The following ATP11C variants were observed in gnomAD, a reference collection of about 807,000 sequenced individuals.
ATP11C encodes the protein ATPase phospholipid transporting 11C (ATP11C blood group), also known as phospholipid-transporting ATPase IG.
A neutral mutation model predicts 97.4 loss-of-function variants in ATP11C; 36 were observed. The observed-to-expected ratio is 0.37, with a 90% CI of 0.28 to 0.49. The LOEUF is 0.49. Ranked by LOEUF, ATP11C falls within the 20% of genes least tolerant of loss-of-function variation. The pLI is 0.98. For synonymous variants in ATP11C, 275 were observed against 290.9 expected (o/e 0.95, Z 0.56); for missense variants, 730 against 824.6 (o/e 0.89, Z 1.40).
Position 139,852,452 on chromosome X carries a change from CGGGGGGGGGGGGGGGGGGGG to C in ATP11C, c.28-25649_28-25630del, listed in dbSNP as rs372368937. ...GGAATAACCCAAGCTCTCAGCAATGCGGGGGGGGGGGGGGGGGGGGGGGGGGGGGAACTGGCCAGCGACCT... is the reference window on the plus strand; with the variant it reads ...GGAATAACCCAAGCTCTCAGCAATGCGGGGGGGGGAACTGGCCAGCGACCT... On this transcript the variant is annotated intron_variant, in intron 1 of 29. Coordinates refer to ENST00000682941, the MANE Select transcript of ATP11C (RefSeq NM_001353812.2). Among the ~76,000 whole-genome samples, 62 of 12,256 alleles carry C rather than the reference CGGGGGGGGGGGGGGGGGGGG, an allele frequency of 5.1e-3. 9 individuals carry two copies. Among genetic ancestry groups the C allele is most frequent in the Non-Finnish European group, 0.011 (44 of 3,865 alleles). 10.6% of individuals were successfully genotyped at this position (12,256 alleles called of 115,157 possible).
chrX:139,860,813 G>A (rs935444942), intron 1 of ATP11C, among the ~76,000 whole-genome samples: 5 of 111,899 alleles, frequency 4.5e-5, no homozygotes, highest in South Asian at 7.5e-4. Flanking sequence ...GCGAGACTCC[G>A]TCTCAGAAAA....
intron 2 of ATP11C, among the ~76,000 whole-genome samples, chrX:139,825,408 T>C (rs2083507995): frequency 8.9e-6 from 1 of 111,813 alleles, no homozygotes; most frequent in African/African-American, 3.3e-5. Flanking sequence ...GACCATTTAA[T>C]TGGATACCAC....
Position 139,750,068 on chromosome X carries a change from G to A in ATP11C, c.2785C>T (p.His929Tyr). The A allele has an allele frequency of 3.3e-6, 4 of 1,203,936 alleles. No homozygotes were observed. The South Asian group carries it at 7.1e-5, about 21-fold the overall frequency. Residue 929 changes from histidine (H) to tyrosine (Y), a missense_variant, in exon 24 of 30, where the codon CAC (histidine) becomes TAC (tyrosine). His to Tyr is a moderately conservative substitution (Grantham distance 83). Coordinates refer to ENST00000682941, the MANE Select transcript of ATP11C (RefSeq NM_001353812.2). ...PILAYSLLEQ[H>Y]INIDTLTSDP... The stretch of plus-strand genomic sequence containing the variant: ...GAGGTCAGAGTGTCAATGTTGATGT[G>A]CTGTTCCAGTAGACTATAGGCCAGG...
intron 1 of ATP11C, among the ~76,000 whole-genome samples, chrX:139,894,488 T>A (rs2084776631): frequency 9.0e-6 from 1 of 111,330 alleles, no homozygotes; most frequent in South Asian, 3.8e-4. Context: ...GAGGAAGAGT[T>A]TGGGGGAAGG....
At chrX:139,853,353 AAAGACAGAGAGGGG>A (rs1305560203) in intron 1 of ATP11C, among the ~76,000 whole-genome samples, 3 of 107,939 alleles carry the variant, frequency 2.8e-5, no homozygotes, top group African/African-American at 1.0e-4. Context: ...GAGAGAGGGG[AAAGACAGAGAGGGG>A]AAGAAAGAGA....
At chrX:139,801,715 G>A (rs1380369504) in intron 7 of ATP11C, among the ~76,000 whole-genome samples, 1 of 111,525 alleles carries the variant, frequency 9.0e-6, no homozygotes, top group Admixed American at 9.5e-5. Context: ...ACCTACTCCA[G>A]AGAGCCTAAG....
At chrX:139,732,457 G>C in intron 28 of ATP11C, 2 of 370,082 alleles carry the variant, frequency 5.4e-6, no homozygotes, top group Non-Finnish European at 1.1e-5. Context: ...AAGAGAAACT[G>C]TGATTGCTGG....
chrX:139,787,033 A>T (rs1178492039), intron 15 of ATP11C, 140 bp downstream of exon 15: 7 of 878,776 alleles, frequency 8.0e-6, no homozygotes, highest in Non-Finnish European at 3.1e-6. Context: ...TACCCCAACT[A>T]TATTTACATA....
chrX:139,852,688 A>G (rs1471539504), intron 1 of ATP11C, among the ~76,000 whole-genome samples: 1 of 109,594 alleles, frequency 9.1e-6, no homozygotes, highest in Non-Finnish European at 1.9e-5. Context: ...TGCAGGATGG[A>G]GTGAGTGGGT....
intron 28 of ATP11C, among the ~76,000 whole-genome samples, chrX:139,735,397 G>A (rs1385462623): frequency 8.9e-6 from 1 of 111,743 alleles, no homozygotes; most frequent in Admixed American, 9.5e-5. Context: ...CTTATTGGTT[G>A]AAGTCAGGGA....
At chrX:139,762,953 G>C (rs963140240) in intron 21 of ATP11C, among the ~76,000 whole-genome samples, 2 of 112,133 alleles carry the variant, frequency 1.8e-5, no homozygotes, top group African/African-American at 6.5e-5. Context: ...AAAAGATATA[G>C]TACAGCAACA....
intron 1 of ATP11C, among the ~76,000 whole-genome samples, chrX:139,866,343 C>CAAAAAAA (rs57250412): frequency 1.8e-4 from 5 of 27,537 alleles, no homozygotes; most frequent in East Asian, 4.5e-3. Flanking sequence ...GACTCTGTCT[C>CAAAAAAA]AAAAAAAAAA....
intron 12 of ATP11C, among the ~76,000 whole-genome samples, chrX:139,791,591 G>A (rs969230926): frequency 9.0e-6 from 1 of 111,561 alleles, no homozygotes; most frequent in Admixed American, 9.6e-5. Context: ...TGAATCAGTC[G>A]GTCAGAGGTA....
intron 5 of ATP11C, among the ~76,000 whole-genome samples, chrX:139,810,275 G>A (rs2083141179): frequency 2.7e-5 from 3 of 111,027 alleles, no homozygotes; most frequent in African/African-American, 9.8e-5. Flanking sequence ...GACCAACATG[G>A]TAAAACCTCA....
In ATP11C at chrX:139,931,951, G is replaced by A. The variant is rs901261158; in HGVS notation, c.27+65C>T. ...GCCCCCTCAGAAAATTGTTGTGAGG[G>A]ACCCGGCGAAGGGGCTGGCGAGCAA... On this transcript the variant is annotated intron_variant, in intron 1 of 29. Coordinates refer to ENST00000682941, the MANE Select transcript of ATP11C (RefSeq NM_001353812.2). 8 of 1,114,123 alleles carry A rather than the reference G, an allele frequency of 7.2e-6. No individual in the cohort carries two copies. In the East Asian group the frequency reaches 1.7e-4, roughly 24 times the overall value. The allele number at this position is 1,114,123 out of a possible 1,213,427, so 91.8% of individuals were successfully genotyped here. A position where few individuals can be genotyped will look rare whatever the true frequency, so the allele number is the denominator to read the frequency against.
chrX:139,803,116 G>A (rs761386967), intron 6 of ATP11C, among the ~76,000 whole-genome samples: 13 of 111,589 alleles, frequency 1.2e-4, no homozygotes, highest in Admixed American at 7.6e-4. Context: ...ACTATCTCCT[G>A]ATTTTGAAAA....
chrX:139,767,044 T>C (rs1402255419), intron 20 of ATP11C, among the ~76,000 whole-genome samples: 1 of 111,542 alleles, frequency 9.0e-6, no homozygotes, highest in Non-Finnish European at 1.9e-5. Context: ...GGAGTGATAG[T>C]GGACACAAAG....
intron 1 of ATP11C, among the ~76,000 whole-genome samples, chrX:139,914,594 G>T (rs1423334260): frequency 3.6e-5 from 4 of 112,218 alleles, no homozygotes; most frequent in African/African-American, 1.3e-4. Flanking sequence ...GAGTAAAGCA[G>T]ATTGCCCTCC....
At chrX:139,835,083 A>ATTC (rs2083726751) in intron 1 of ATP11C, among the ~76,000 whole-genome samples, 1 of 112,306 alleles carries the variant, frequency 8.9e-6, no homozygotes, top group Non-Finnish European at 1.9e-5. Flanking sequence ...ACTGGTAGAA[A>ATTC]AAACACATGG....
Sources: gnomAD v4.1 joint callset for allele counts (sites outside exome capture counted in the v4.1 genomes callset) on GRCh38, gnomAD v4.1.1 for gene constraint, MANE v1.5 for transcripts, NCBI Gene and HGNC (gene_info 2026-07-23, HGNC 2026-07-21) for gene names.